Variants in THSD4 observed in about 807,000 individuals in gnomAD.
THSD4 encodes the protein thrombospondin type 1 domain containing 4.
THSD4 carries 69 observed loss-of-function variants against 119.0 expected under a neutral mutation model. The ratio of observed to expected loss-of-function variants is 0.58; its 90% CI spans 0.48 to 0.71. The LOEUF (loss-of-function observed/expected upper bound fraction) is 0.71, where lower values mean the gene tolerates loss of function less well. Among genes scored for constraint, THSD4 ranks in the 30% least tolerant of loss-of-function variants. THSD4 has a pLI of 0.00. For missense variants in THSD4, 1,393 were observed against 1,391.1 expected (o/e 1.00, Z -0.02); for synonymous variants, 524 against 540.4 (o/e 0.97, Z 0.42).
intron 7 of THSD4, among the ~76,000 whole-genome samples, chr15:71,557,300 A>G (rs1416373509): frequency 1.3e-5 from 2 of 152,186 alleles, no homozygotes; most frequent in African/African-American, 4.8e-5. Flanking sequence ...TATAATGTTA[A>G]ACTATCCTTG....
At chr15:71,361,016 C>G (rs909144135) in intron 6 of THSD4, among the ~76,000 whole-genome samples, 1 of 152,122 alleles carries the variant, frequency 6.6e-6, no homozygotes, top group South Asian at 2.1e-4. Context: ...ACCAAGTATA[C>G]AGAGAAGAGT....
intron 7 of THSD4, among the ~76,000 whole-genome samples, chr15:71,473,335 G>A (rs2140645829): frequency 6.6e-6 from 1 of 152,264 alleles, no homozygotes; most frequent in African/African-American, 2.4e-5. Flanking sequence ...TGGGATTACA[G>A]GTGTGAGCCA....
intron 7 of THSD4, among the ~76,000 whole-genome samples, chr15:71,626,241 T>G (rs2050507386): frequency 6.6e-6 from 1 of 152,186 alleles, no homozygotes; most frequent in South Asian, 2.1e-4. Flanking sequence ...TTTTATTCGG[T>G]TTTCTAAGTA....
At chr15:71,156,579 A>G (rs1352646432) in intron 3 of THSD4, among the ~76,000 whole-genome samples, 4 of 152,176 alleles carry the variant, frequency 2.6e-5, no homozygotes, top group Non-Finnish European at 4.4e-5. Flanking sequence ...GAGGGTTTTC[A>G]TAGGGGAAAT....
At chr15:71,768,456 T>A (rs571761261) in intron 16 of THSD4, among the ~76,000 whole-genome samples, 4 of 151,928 alleles carry the variant, frequency 2.6e-5, no homozygotes, top group African/African-American at 7.2e-5. Flanking sequence ...AAAAACTTTT[T>A]AAGTGCAAGA....
chr15:71,681,654 A>T (rs939936919), intron 8 of THSD4, among the ~76,000 whole-genome samples: 5 of 151,200 alleles, frequency 3.3e-5, no homozygotes, highest in African/African-American at 1.2e-4. Context: ...TAGCCTGGGC[A>T]AAAGAGTGAA....
At chr15:71,101,920 C>T (rs2040255285) in intron 1 of THSD4, among the ~76,000 whole-genome samples, 1 of 152,034 alleles carries the variant, frequency 6.6e-6, no homozygotes. Context: ...CACCATGTTG[C>T]CCAGGGTGGT....
At position 71,164,160 on chromosome 15, in the gene THSD4, G is replaced by A. The variant is rs1378870689; in HGVS notation, c.99+9228G>A. Among the ~76,000 whole-genome samples the A allele has an allele frequency of 3.3e-5, 5 of 150,482 alleles. No homozygotes were observed. In the South Asian group the frequency reaches 1.1e-3, roughly 32 times the overall value. On this transcript the variant is annotated intron_variant, in intron 3 of 17. Transcript: ENST00000261862. Reference sequence around the variant, plus strand: ...CTTAACTTTACCCTCATTATGATATGCAGGGTGGGTAGACAAAAGCTTTTT... The same window carrying A: ...CTTAACTTTACCCTCATTATGATATACAGGGTGGGTAGACAAAAGCTTTTT...
chr15:71,291,432 C>CT lies in THSD4; in HGVS notation c.1015+34718dup, dbSNP rs1292529179. Among the ~76,000 whole-genome samples, 10 of 152,264 alleles carry CT rather than the reference C, an allele frequency of 6.6e-5. No homozygotes were observed. The South Asian group carries it at 1.9e-3, about 28-fold the overall frequency. On this transcript the variant is annotated intron_variant, in intron 6 of 17. Coordinates refer to ENST00000261862, the MANE Select transcript of THSD4 (RefSeq NM_024817.3). ...AGGAGAGTCGATGTTGTGTTCCAGTCTGAAAGCCTGAAGTCTTGAGACCCA... is the reference window on the plus strand; with the variant it reads ...AGGAGAGTCGATGTTGTGTTCCAGTCTTGAAAGCCTGAAGTCTTGAGACCCA...
At chr15:71,125,642 G>C (rs1295422706) in intron 1 of THSD4, among the ~76,000 whole-genome samples, 1 of 152,192 alleles carries the variant, frequency 6.6e-6, no homozygotes, top group East Asian at 1.9e-4. Context: ...GAGGCCCCAG[G>C]TCCGAAGAAG....
chr15:71,277,116 A>ATTC (rs1034428830), intron 6 of THSD4, among the ~76,000 whole-genome samples: 2 of 109,258 alleles, frequency 1.8e-5, no homozygotes, highest in East Asian at 3.9e-4. Flanking sequence ...TTGTATTTGA[A>ATTC]TTCTTCTTCT....
At chr15:71,340,898 C>A (rs1032154163) in intron 6 of THSD4, among the ~76,000 whole-genome samples, 1 of 152,108 alleles carries the variant, frequency 6.6e-6, no homozygotes, top group African/African-American at 2.4e-5. Context: ...CCGTGCCCAG[C>A]CCCAGAGATT....
At chr15:71,701,012 A>T (rs1186071655) in intron 8 of THSD4, among the ~76,000 whole-genome samples, 1 of 152,098 alleles carries the variant, frequency 6.6e-6, no homozygotes, top group Non-Finnish European at 1.5e-5. Context: ...CTCTATAAGC[A>T]TTAAAAAGGT....
intron 8 of THSD4, among the ~76,000 whole-genome samples, chr15:71,688,083 C>T (rs574289561): frequency 6.6e-6 from 1 of 152,184 alleles, no homozygotes; most frequent in Admixed American, 6.5e-5. Context: ...AATGAAAAAG[C>T]TCCTTGAGCA....
upstream of THSD4, chr15:71,112,295 C>G: frequency 6.8e-7 from 1 of 1,475,564 alleles, no homozygotes; most frequent in Non-Finnish European, 9.1e-7. Flanking sequence ...ATCAACTTAA[C>G]TAGGACAAGA....
At chr15:71,546,314 C>A (rs767375155) in intron 7 of THSD4, among the ~76,000 whole-genome samples, 14 of 152,044 alleles carry the variant, frequency 9.2e-5, no homozygotes, top group Non-Finnish European at 2.1e-4. Context: ...GCACCTTGAG[C>A]CCACTCTAGG....
intron 16 of THSD4, chr15:71,767,200 T>C (rs149169912): frequency 9.7e-4 from 147 of 152,326 alleles, no homozygotes; most frequent in African/African-American, 3.5e-3. Context: ...CTAGACTTCT[T>C]TGAATGTACC....
intron 2 of THSD4, among the ~76,000 whole-genome samples, chr15:71,150,935 G>T (rs2040715931): frequency 6.6e-6 from 1 of 152,194 alleles, no homozygotes. Flanking sequence ...CAGCCACTGT[G>T]CTAGGTGCTG....
rs573775381 is a variant in THSD4, at chr15:71,174,319, A to C, written c.99+19387A>C. 2.3e-4 allele frequency among the ~76,000 whole-genome samples: 35 copies of C among 152,180 alleles called. No homozygotes were observed. The East Asian group carries it at 3.9e-3, about 17-fold the overall frequency. On this transcript the variant is annotated intron_variant, in intron 3 of 17. Transcript: ENST00000261862. ...CCGAAGCAGGGCGAGGCATTGCCTC[A>C]CCTGGGAAGCGCAAGGGGTCAGGGA... is the stretch of plus-strand genomic sequence containing the variant.
Sources: allele counts gnomAD v4.1 joint callset (sites outside exome capture counted in the v4.1 genomes callset), GRCh38; gene constraint gnomAD v4.1.1; transcripts MANE v1.5; gene names NCBI Gene and HGNC (gene_info 2026-07-23, HGNC 2026-07-21).